PPP1R26: variants seen among roughly 807,000 people sequenced by gnomAD.
PPP1R26 encodes the protein protein phosphatase 1 regulatory subunit 26, also known as 1A6/DRIM (down-regulated in metastasis) interacting protein.
Under a neutral mutation model 67.6 loss-of-function variants are expected in PPP1R26, and 22 were observed. That is an observed-to-expected ratio of 0.33 (90% CI 0.23 to 0.46). The LOEUF (loss-of-function observed/expected upper bound fraction) is 0.46. PPP1R26 is among the 20% of genes least tolerant of loss of function. PPP1R26 has a pLI of 1.00. For synonymous variants in PPP1R26, 729 were observed against 717.2 expected, an observed-to-expected ratio of 1.02 and a Z score of -0.26; for missense variants, 1,602 against 1,651.4, an observed-to-expected ratio of 0.97 and a Z score of 0.52.
chr9:135,482,983 C>CTTTTTTTTTTTTTTTTTTTTTTTT lies in PPP1R26; in HGVS notation c.-196+171_-196+172insTTTTTTTTTTTTTTTTTTTTTTTT, dbSNP rs1360229729. On this transcript the variant is annotated intron_variant, in intron 2 of 3. Transcript: ENST00000356818. ...GCTCACCTTTTGTTTCTTTTTCTTT[C>CTTTTTTTTTTTTTTTTTTTTTTTT]TTTCTTTTTTTTTTTTTTTTTTTTG... Among the ~76,000 whole-genome samples, 9 of 125,752 alleles carry CTTTTTTTTTTTTTTTTTTTTTTTT rather than the reference C, an allele frequency of 7.2e-5. No individual in the cohort carries two copies. The East Asian group carries it at 9.8e-4, about 14-fold the overall frequency. The allele number at this position is 125,752 out of a possible 152,430, so 82.5% of individuals were successfully genotyped here. A position where few individuals can be genotyped will look rare whatever the true frequency, so the allele number is the denominator to read the frequency against.
In PPP1R26 at chr9:135,484,483, C is replaced by T. The variant is rs1454046720; in HGVS notation, c.-28C>T. The T allele has an allele frequency of 4.6e-6, 7 of 1,517,584 alleles. No homozygotes were observed. In the Admixed American group the frequency reaches 6.3e-5, roughly 14 times the overall value. The allele number at this position is 1,517,584 out of a possible 1,614,324, so 94.0% of individuals were successfully genotyped here. ...CCGGTAGAGAAATAAAGCATCGCCC[C>T]TCTGCGCGCCCCTCCCCGTCTGCTA... is the stretch of plus-strand genomic sequence containing the variant. On this transcript the variant is annotated 5_prime_UTR_variant, in exon 4 of 4. Coordinates refer to ENST00000356818, the MANE Select transcript of PPP1R26 (RefSeq NM_014811.5).
rs1211789092 is a variant in PPP1R26 at position 135,487,592 on chromosome 9, A to G, written c.3082A>G (p.Ser1028Gly). ...CCAGGCCGACCGCACACCGCCCTGG[A>G]GCGACTTCGCCCACCAGAGTCGGCT... ...GAQADRTPPW[S>G]DFAHQSRLPS... The change falls in exon 4 of 4, where the codon AGC (serine) becomes GGC (glycine). Residue 1028 changes from serine (S) to glycine (G), a missense_variant. This residue lies in a region of PPP1R26 where 740 missense variants were observed against 696.3 expected (regional missense o/e 1.06). Coordinates refer to ENST00000356818, the MANE Select transcript of PPP1R26 (RefSeq NM_014811.5). 1.3e-6 allele frequency: 2 copies of G among 1,504,796 alleles called. No individual in the cohort carries two copies. Among genetic ancestry groups the G allele is most frequent in the Non-Finnish European group, 1.8e-6 (2 of 1,126,350 alleles). The allele number at this position is 1,504,796 out of a possible 1,614,324, so 93.2% of individuals were successfully genotyped here. A position where few individuals can be genotyped will look rare whatever the true frequency, so the allele number is the denominator to read the frequency against.
In PPP1R26 at chr9:135,479,802, G is replaced by C. The variant is rs1588339782; in HGVS notation, c.-549G>C. On this transcript the variant is annotated 5_prime_UTR_variant, in exon 1 of 4. Coordinates refer to ENST00000356818, the MANE Select transcript of PPP1R26 (RefSeq NM_014811.5). The surrounding 1 kb of genome is among the most constrained non-coding windows in gnomAD (Gnocchi z 5.9). ...CCCCTCCCCTCCCGCGCTTCCCACG[G>C]CGCGGCCCGGGCGCGGGGCGGCGGC... 6.9e-6 allele frequency: 1 copy of C among 144,716 alleles called. No homozygotes were observed. The highest frequency in any genetic ancestry group is 1.5e-5 in the Non-Finnish European group (1 of 65,216). 9.0% of individuals were successfully genotyped at this position (144,716 alleles called of 1,614,324 possible).
In PPP1R26 at chr9:135,485,759, G is replaced by C. The variant is rs756321419; in HGVS notation, c.1249G>C (p.Glu417Gln). ...TSSATKSALP[E>Q]THRKTPSKKK... Reference sequence around the variant, plus strand: ...CAGTGCCACAAAAAGTGCCTTGCCCGAGACCCACAGGAAAACACCCAGCAA... The same window carrying C: ...CAGTGCCACAAAAAGTGCCTTGCCCCAGACCCACAGGAAAACACCCAGCAA... The change falls in exon 4 of 4, where the codon GAG becomes CAG. Residue 417 changes from glutamate to glutamine, a missense_variant. Glu to Gln is a conservative substitution (Grantham distance 29). Around this residue, in one of 5 missense-constraint regions of PPP1R26, gnomAD observed 680 missense variants for 726.1 expected, o/e 0.94. Transcript: ENST00000356818. The surrounding 1 kb of genome is among the most constrained non-coding windows in gnomAD (Gnocchi z 7.2). The C allele has an allele frequency of 3.1e-6, 5 of 1,611,098 alleles. No individual in the cohort carries two copies. The African/African-American group carries it at 6.7e-5, about 22-fold the overall frequency.
In PPP1R26 at chr9:135,484,933, G is replaced by T; in HGVS notation, c.423G>T (p.Leu141=). 6.3e-7 allele frequency: 1 copy of T among 1,582,832 alleles called. No homozygotes were observed. The highest frequency in any genetic ancestry group is 8.6e-7 in the Non-Finnish European group (1 of 1,163,836). Residue 141 remains leucine (L), a synonymous_variant, in exon 4 of 4, where the codon CTG becomes CTT. Coordinates refer to ENST00000356818, the MANE Select transcript of PPP1R26 (RefSeq NM_014811.5). The part of the protein sequence containing the change: ...RDIEEAIQEY[L]KAKSGAAQPG... ...TTGAGGAGGCCATCCAGGAGTACCTGAAGGCAAAGAGTGGAGCCGCACAGC... is the reference window on the plus strand; with the variant it reads ...TTGAGGAGGCCATCCAGGAGTACCTTAAGGCAAAGAGTGGAGCCGCACAGC...
rs148546875 is a variant in PPP1R26 at position 135,486,092 on chromosome 9, G to A, written c.1582G>A (p.Val528Met). Residue 528 changes from valine (V) to methionine (M), a missense_variant, in exon 4 of 4, where the codon GTG becomes ATG. Coordinates refer to ENST00000356818, the MANE Select transcript of PPP1R26 (RefSeq NM_014811.5). This position sits in a 1 kb window ranked among gnomAD's most constrained non-coding sequence, Gnocchi z 6.2. ...PSRSDGDSSS[V>M]DSDDSIEQEI... ...CCGCTCTGACGGCGACAGTAGCTCC[G>A]TGGACAGCGATGACAGCATCGAGCA... The A allele has an allele frequency of 1.5e-5, 24 of 1,612,868 alleles. No homozygotes were observed. The highest frequency in any genetic ancestry group is 8.0e-5 in the African/African-American group (6 of 74,926).
chr9:135,481,303 T>A (rs917048974), intron 1 of PPP1R26, among the ~76,000 whole-genome samples: 5 of 149,842 alleles, frequency 3.3e-5, no homozygotes, highest in Admixed American at 3.3e-4. Context: ...GTGCAATGGC[T>A]GATCTCGGCT....
At position 135,484,225 on chromosome 9, in the gene PPP1R26, C is replaced by T. The variant is rs114242783; in HGVS notation, c.-63+143C>T. ...TTTTCTTACTGAATCTTCCCAGCAG[C>T]CCCGGGCTGGAGCAGGTAAATTGTT... On this transcript the variant is annotated intron_variant, in intron 3 of 3. Coordinates refer to ENST00000356818, the MANE Select transcript of PPP1R26 (RefSeq NM_014811.5). 2.5e-3 allele frequency: 1,228 copies of T among 494,054 alleles called. 11 individuals are homozygous for T. Among genetic ancestry groups the T allele is most frequent in the African/African-American group, 0.021 (1,084 of 51,116 alleles). 30.6% of individuals were successfully genotyped at this position (494,054 alleles called of 1,614,324 possible).
At position 135,486,970 on chromosome 9, in the gene PPP1R26, C is replaced by T; in HGVS notation, c.2460C>T (p.Ser820=). ...GGGAGTCCCAGGGCCCAGCTCCCAG[C>T]CCCGGCTCCCTGTCTGATGACAGCA... ...FPRESQGPAP[S]PGSLSDDSSS... Residue 820 remains serine, a synonymous_variant, in exon 4 of 4, where the codon AGC becomes AGT. Transcript: ENST00000356818. This position sits in a 1 kb window ranked among gnomAD's most constrained non-coding sequence, Gnocchi z 6.2. The T allele has an allele frequency of 1.9e-6, 3 of 1,612,920 alleles. No individual in the cohort carries two copies. In the South Asian group the frequency reaches 3.3e-5, roughly 18 times the overall value.
Position 135,488,076 on chromosome 9 carries a change from A to G in PPP1R26, c.3566A>G (p.Asp1189Gly). The G allele has an allele frequency of 1.3e-6, 2 of 1,578,898 alleles. No individual in the cohort carries two copies. The highest frequency in any genetic ancestry group is 1.7e-6 in the Non-Finnish European group (2 of 1,164,254). ...DDQEQDALGS[D>G]ASDFSDTSTE... ...CAGGAGCAGGACGCCTTGGGCAGTGACGCCAGTGACTTCAGCGACACCTCC... is the reference window on the plus strand; with the variant it reads ...CAGGAGCAGGACGCCTTGGGCAGTGGCGCCAGTGACTTCAGCGACACCTCC... Residue 1189 changes from aspartate (D) to glycine (G), a missense_variant, in exon 4 of 4, where the codon GAC (aspartate) becomes GGC (glycine). Coordinates refer to ENST00000356818, the MANE Select transcript of PPP1R26 (RefSeq NM_014811.5).
chr9:135,487,242 C>T lies in PPP1R26; in HGVS notation c.2732C>T (p.Ala911Val). ...GAAGGGCTTCGAGGCACAGAGAGCG[C>T]AGGAGCACAGGGCACAGCTGGTCTG... ...LAEGLRGTES[A>V]GAQGTAGLFS... The change falls in exon 4 of 4, where the codon GCA becomes GTA. Residue 911 changes from alanine (A) to valine (V), a missense_variant. Coordinates refer to ENST00000356818, the MANE Select transcript of PPP1R26 (RefSeq NM_014811.5). 6.3e-7 allele frequency: 1 copy of T among 1,577,814 alleles called. No homozygotes were observed. Among genetic ancestry groups the T allele is most frequent in the Non-Finnish European group, 8.6e-7 (1 of 1,163,462 alleles).
Position 135,487,912 on chromosome 9 carries a change from C to A in PPP1R26, c.3402C>A (p.His1134Gln). ...CCAGCCCTGTCTTTGGAAGCCCACA[C>A]TTGCTGGCAAAGAAGGACGGCGGCC... is the stretch of plus-strand genomic sequence containing the variant. ...AGPSPVFGSP[H>Q]LLAKKDGGPW... The change falls in exon 4 of 4, where the codon CAC (histidine) becomes CAA (glutamine). Residue 1134 changes from histidine to glutamine, a missense_variant. His to Gln is a conservative substitution (Grantham distance 24, BLOSUM62 0). Transcript: ENST00000356818. 6.3e-7 allele frequency: 1 copy of A among 1,575,996 alleles called. No individual in the cohort carries two copies. Among genetic ancestry groups the A allele is most frequent in the Non-Finnish European group, 8.6e-7 (1 of 1,162,036 alleles).
intron 1 of PPP1R26, 53 bp from the exon 2 acceptor site, chr9:135,482,630 A>G (rs1265809082): frequency 5.0e-6 from 2 of 398,250 alleles, no homozygotes; most frequent in Non-Finnish European, 8.9e-6. Context: ...AAATTTATCA[A>G]CTGTAGCTTC....
At position 135,487,112 on chromosome 9, in the gene PPP1R26, A is replaced by T; in HGVS notation, c.2602A>T (p.Thr868Ser). Residue 868 changes from threonine (T) to serine (S), a missense_variant, in exon 4 of 4, where the codon ACA becomes TCA. Physicochemically the swap from Thr to Ser is moderately conservative, Grantham distance 58. This residue lies in a region of PPP1R26 where 740 missense variants were observed against 696.3 expected (regional missense o/e 1.06). Coordinates refer to ENST00000356818, the MANE Select transcript of PPP1R26 (RefSeq NM_014811.5). ...GGCAGAGGGCCCCACCGCTCTTGGGACAGGGGGCCCAGCCAGGCCAGAGGT... is the reference window on the plus strand; with the variant it reads ...GGCAGAGGGCCCCACCGCTCTTGGGTCAGGGGGCCCAGCCAGGCCAGAGGT... Reference protein sequence around the residue: ...VQAEGPTALGTGGPARPEVLC... With the variant: ...VQAEGPTALGSGGPARPEVLC... The T allele has an allele frequency of 1.9e-6, 3 of 1,611,646 alleles. No individual in the cohort carries two copies. Among genetic ancestry groups the T allele is most frequent in the Non-Finnish European group, 2.5e-6 (3 of 1,179,984 alleles).
Position 135,488,093 on chromosome 9 carries a change from G to A in PPP1R26, c.3583G>A (p.Asp1195Asn), listed in dbSNP as rs368262533. The part of the protein sequence containing the change: ...ALGSDASDFS[D>N]TSTEDSGGSS... The stretch of plus-strand genomic sequence containing the variant: ...GGGCAGTGACGCCAGTGACTTCAGC[G>A]ACACCTCCACGGAGGACAGTGGCGG... The change falls in exon 4 of 4, where the codon GAC (aspartate) becomes AAC (asparagine). Residue 1195 changes from aspartate (D) to asparagine (N), a missense_variant. Coordinates refer to ENST00000356818, the MANE Select transcript of PPP1R26 (RefSeq NM_014811.5). The A allele has an allele frequency of 2.9e-5, 46 of 1,564,344 alleles. No homozygotes were observed. Among genetic ancestry groups the A allele is most frequent in the Admixed American group, 1.5e-4 (8 of 52,048 alleles).
chr9:135,486,465 C>T lies in PPP1R26; in HGVS notation c.1955C>T (p.Thr652Ile), dbSNP rs1208612333. The T allele has an allele frequency of 8.1e-6, 13 of 1,612,824 alleles. No individual in the cohort carries two copies. The highest frequency in any genetic ancestry group is 9.3e-6 in the Non-Finnish European group (11 of 1,179,872). ...AGTGAGGCCCTGGGAGGGGAGGGCA[C>T]CGCCAGGGGCCCTGGCGACACTCGC... ...KASEALGGEG[T>I]ARGPGDTRMS... The change falls in exon 4 of 4, where the codon ACC becomes ATC. Residue 652 changes from threonine (T) to isoleucine (I), a missense_variant. Transcript: ENST00000356818. The surrounding 1 kb of genome is among the most constrained non-coding windows in gnomAD (Gnocchi z 6.2).
rs113073158 is a variant in PPP1R26, at chr9:135,487,747, G to T, written c.3237G>T (p.Ser1079=). 34 of 1,466,694 alleles carry T rather than the reference G, an allele frequency of 2.3e-5. No homozygotes were observed. The South Asian group carries it at 3.8e-4, about 17-fold the overall frequency. 90.9% of individuals were successfully genotyped at this position (1,466,694 alleles called of 1,614,324 possible). The change falls in exon 4 of 4, where the codon TCG becomes TCT. Residue 1079 remains serine, a synonymous_variant. Coordinates refer to ENST00000356818, the MANE Select transcript of PPP1R26 (RefSeq NM_014811.5). ...GLPSLPLAGF[S]PLLSTQLFHF... ...CCAGCCTGCCCCTTGCGGGCTTCTC[G>T]CCGCTGCTGTCCACCCAGCTCTTCC...
chr9:135,479,347 G>C (rs554691545), upstream of PPP1R26, among the ~76,000 whole-genome samples: 147 of 151,908 alleles, frequency 9.7e-4, 1 homozygote, highest in East Asian at 2.0e-4. This position sits in a 1 kb window ranked among gnomAD's most constrained non-coding sequence, Gnocchi z 5.9. Context: ...AACTCGGTTG[G>C]CGCCGGGGCC....
At chr9:135,484,411 G>A (rs1442780528) in intron 3 of PPP1R26, 38 bp from the exon 4 acceptor site, 4 of 1,143,938 alleles carry the variant, frequency 3.5e-6, no homozygotes, top group Admixed American at 4.7e-5. Context: ...ATCGCTGTTT[G>A]TAGCTGCATC....
Sources: allele counts gnomAD v4.1 joint callset (sites outside exome capture counted in the v4.1 genomes callset), GRCh38; gene constraint gnomAD v4.1.1; regional missense constraint gnomAD v4.1.1; non-coding constraint Gnocchi (gnomAD v3.1); transcripts MANE v1.5; gene names NCBI Gene and HGNC (gene_info 2026-07-23, HGNC 2026-07-21).